Variants in SRGAP3 observed in about 807,000 individuals in gnomAD.
SRGAP3 encodes SLIT-ROBO Rho GTPase-activating protein 3.
Under a neutral mutation model 121.1 loss-of-function variants are expected in SRGAP3, and 39 were observed. The observed-to-expected ratio is 0.32, with a 90% CI of 0.25 to 0.42. SRGAP3 has a LOEUF of 0.42. Among genes scored for constraint, SRGAP3 ranks in the 10% least tolerant of loss-of-function variants. The pLI is 1.00. For synonymous variants in SRGAP3, 601 were observed against 570.0 expected, an observed-to-expected ratio of 1.05 and a Z score of -0.77; for missense variants, 1,213 against 1,470.6, an observed-to-expected ratio of 0.82 and a Z score of 2.86.
chr3:9,341,428 T>C (rs912980145), intron 1 of SRGAP3, among the ~76,000 whole-genome samples: 6 of 152,140 alleles, frequency 3.9e-5, no homozygotes, highest in Admixed American at 1.3e-4. Context: ...AGAGCTCAGC[T>C]ATAGGAGCCT....
At chr3:9,162,246 C>G (rs1015722034) in intron 1 of SRGAP3, among the ~76,000 whole-genome samples, 3 of 152,232 alleles carry the variant, frequency 2.0e-5, no homozygotes, top group African/African-American at 7.2e-5. Flanking sequence ...TTTGAATGTA[C>G]TTAATGCCAC....
chr3:9,237,746 G>A (rs565980536), intron 1 of SRGAP3, among the ~76,000 whole-genome samples: 19 of 152,340 alleles, frequency 1.2e-4, no homozygotes, highest in African/African-American at 3.1e-4. Context: ...GACCAGGGGA[G>A]GGAAAGAGGT....
intron 6 of SRGAP3, chr3:9,059,870 A>T: frequency 5.8e-6 from 2 of 347,456 alleles, no homozygotes; most frequent in East Asian, 1.4e-4. Flanking sequence ...CTCCTTTACC[A>T]CACTGGGAAA....
At chr3:9,098,374 T>C (rs1156953902) in intron 3 of SRGAP3, among the ~76,000 whole-genome samples, 1 of 152,172 alleles carries the variant, frequency 6.6e-6, no homozygotes, top group Non-Finnish European at 1.5e-5. Context: ...TGGACTCAAA[T>C]GATCCTCCTG....
chr3:9,006,848 C>T (rs1442849920), intron 18 of SRGAP3: 1 of 152,002 alleles, frequency 6.6e-6, no homozygotes, highest in Admixed American at 6.5e-5. Flanking sequence ...CTTGGCCTAA[C>T]CATGGTTTCT....
At chr3:9,038,468 T>A (rs496280) in intron 10 of SRGAP3, among the ~76,000 whole-genome samples, 63,658 of 152,116 alleles carry the variant, frequency 0.42, 13,766 homozygotes, top group East Asian at 0.58. Context: ...GCATTTTAAC[T>A]ACCACCCCTG....
intron 3 of SRGAP3, among the ~76,000 whole-genome samples, chr3:9,101,762 A>C (rs1180376447): frequency 1.3e-5 from 2 of 152,174 alleles, no homozygotes; most frequent in Admixed American, 1.3e-4. Flanking sequence ...GGCAAGCTGC[A>C]TTTCTGCTGT....
chr3:9,169,842 A>G (rs1950914077), intron 1 of SRGAP3, among the ~76,000 whole-genome samples: 1 of 152,130 alleles, frequency 6.6e-6, no homozygotes, highest in Non-Finnish European at 1.5e-5. Context: ...AGGATGGGTT[A>G]GGGGGGAAAA....
At chr3:9,001,741 G>C (rs1942781544) in intron 18 of SRGAP3, among the ~76,000 whole-genome samples, 1 of 152,048 alleles carries the variant, frequency 6.6e-6, no homozygotes, top group Admixed American at 6.6e-5. Flanking sequence ...ATACAAACTG[G>C]AACCACAGGA....
At chr3:9,314,860 G>A (rs774284930) in intron 3 of SRGAP3, among the ~76,000 whole-genome samples, 1 of 152,136 alleles carries the variant, frequency 6.6e-6, no homozygotes, top group Non-Finnish European at 1.5e-5. Context: ...TGGCACTGGA[G>A]CCCGGGTTCT....
chr3:9,182,380 G>A (rs1951442149), intron 1 of SRGAP3, among the ~76,000 whole-genome samples: 1 of 151,966 alleles, frequency 6.6e-6, no homozygotes, highest in African/African-American at 2.4e-5. Flanking sequence ...GAAGGTGACG[G>A]GAAGATACAC....
chr3:9,143,194 T>A (rs1211291447), intron 1 of SRGAP3, among the ~76,000 whole-genome samples: 1 of 152,178 alleles, frequency 6.6e-6, no homozygotes, highest in African/African-American at 2.4e-5. Flanking sequence ...AATCAGGTTA[T>A]ATGCTCAACA....
intron 14 of SRGAP3, among the ~76,000 whole-genome samples, chr3:9,018,515 C>A (rs1021310929): frequency 6.6e-6 from 1 of 152,174 alleles, no homozygotes; most frequent in African/African-American, 2.4e-5. Flanking sequence ...TCGTCAGCAT[C>A]TGTTATTGTC....
At chr3:9,041,812 C>G (rs1037715329) in intron 10 of SRGAP3, among the ~76,000 whole-genome samples, 1 of 152,092 alleles carries the variant, frequency 6.6e-6, no homozygotes, top group South Asian at 2.1e-4. Flanking sequence ...TTAAGAGAAA[C>G]AGATGAGGCT....
intron 1 of SRGAP3, among the ~76,000 whole-genome samples, chr3:9,187,777 G>T (rs1019641012): frequency 2.0e-5 from 3 of 152,060 alleles, no homozygotes; most frequent in African/African-American, 4.8e-5. Flanking sequence ...TCATTTCACC[G>T]AACGCTCGCT....
intron 3 of SRGAP3, among the ~76,000 whole-genome samples, chr3:9,295,217 C>T (rs4684637): frequency 0.14 from 21,869 of 152,218 alleles, 1,869 homozygotes; most frequent in South Asian, 0.19. Flanking sequence ...GAAGTTTCTG[C>T]TCTGGTCTGT....
At chr3:9,166,124 C>T (rs780587134) in intron 1 of SRGAP3, among the ~76,000 whole-genome samples, 3 of 152,162 alleles carry the variant, frequency 2.0e-5, no homozygotes, top group Non-Finnish European at 2.9e-5. Context: ...ACAGCCTTTG[C>T]CTGTGAAGAA....
At chr3:9,190,212 G>A (rs114608920) in intron 1 of SRGAP3, among the ~76,000 whole-genome samples, 2,113 of 152,222 alleles carry the variant, frequency 0.014, 51 homozygotes, top group African/African-American at 0.048. Flanking sequence ...AAGTCAATTC[G>A]CATTGGAAAA....
intron 18 of SRGAP3, chr3:9,008,386 G>A (rs1943189541): frequency 6.6e-6 from 1 of 152,232 alleles, no homozygotes; most frequent in Non-Finnish European, 1.5e-5. Flanking sequence ...AGGGACCTCA[G>A]CCCCCAGGAA....
Sources: allele counts gnomAD v4.1 joint callset (sites outside exome capture counted in the v4.1 genomes callset), GRCh38; gene constraint gnomAD v4.1.1; transcripts MANE v1.5; gene names NCBI Gene and HGNC (gene_info 2026-07-23, HGNC 2026-07-21).